Variants in RALGPS2 observed in about 807,000 individuals in gnomAD.
RALGPS2 encodes ras-specific guanine nucleotide-releasing factor RalGPS2.
In RALGPS2, 43 loss-of-function variants were observed where a neutral mutation model predicts 86.8. That is an observed-to-expected ratio of 0.50 (90% CI 0.39 to 0.64). RALGPS2 has a LOEUF of 0.64. RALGPS2 is among the 30% of genes least tolerant of loss of function. RALGPS2 has a pLI of 0.00. For missense variants in RALGPS2, 536 were observed against 694.6 expected, an observed-to-expected ratio of 0.77 and a Z score of 2.57; for synonymous variants, 243 against 231.3, an observed-to-expected ratio of 1.05 and a Z score of -0.46.
chr1:178,894,197 G>T (rs1310629423), intron 16 of RALGPS2, 173 bp downstream of exon 16: 1 of 473,264 alleles, frequency 2.1e-6, no homozygotes, highest in Non-Finnish European at 3.7e-6. Context: ...GATCCCCCGG[G>T]GATGACTGAA....
chr1:178,819,747 C>G (rs1349017491), intron 6 of RALGPS2, among the ~76,000 whole-genome samples: 2 of 152,178 alleles, frequency 1.3e-5, no homozygotes, highest in African/African-American at 4.8e-5. Flanking sequence ...GTCAAGGTGT[C>G]TAATTTACCA....
intron 1 of RALGPS2, among the ~76,000 whole-genome samples, chr1:178,769,638 C>CT (rs1328034448): frequency 6.6e-6 from 1 of 152,150 alleles, no homozygotes; most frequent in African/African-American, 2.4e-5. Context: ...GGAGAGCTTG[C>CT]TGGGGTACCC....
chr1:178,858,422 T>C (rs1472826807), intron 8 of RALGPS2, among the ~76,000 whole-genome samples: 1 of 152,196 alleles, frequency 6.6e-6, no homozygotes, highest in Non-Finnish European at 1.5e-5. Context: ...CCAGATTTAA[T>C]TCACAGGTTT....
chr1:178,748,110 A>G (rs936040941), intron 1 of RALGPS2, among the ~76,000 whole-genome samples: 4 of 152,166 alleles, frequency 2.6e-5, no homozygotes, highest in African/African-American at 7.2e-5. Context: ...ACTTGAGGTC[A>G]GGAGTTTGAG....
At chr1:178,894,154 C>G in intron 16 of RALGPS2, 130 bp downstream of exon 16, 1 of 577,568 alleles carries the variant, frequency 1.7e-6, no homozygotes. Flanking sequence ...TAAATAAGGT[C>G]CTCCCCTCTT....
At chr1:178,908,305 A>G (rs1660471082) in intron 19 of RALGPS2, among the ~76,000 whole-genome samples, 1 of 152,200 alleles carries the variant, frequency 6.6e-6, no homozygotes, top group Non-Finnish European at 1.5e-5. Flanking sequence ...CATAGCATAT[A>G]TGTACCACAT....
intron 8 of RALGPS2, chr1:178,851,044 C>A: frequency 8.0e-7 from 1 of 1,251,626 alleles, no homozygotes; most frequent in Non-Finnish European, 1.1e-6. Context: ...ATAAATTGTG[C>A]CAAGTAATAT....
intron 4 of RALGPS2, among the ~76,000 whole-genome samples, chr1:178,801,880 TC>T (rs1337299814): frequency 9.9e-5 from 15 of 152,222 alleles, no homozygotes; most frequent in African/African-American, 3.6e-4. Context: ...GGGTTAAAAT[TC>T]CGTTTGAAGC....
In RALGPS2 at chr1:178,778,617, C is replaced by T. The variant is rs527414767; in HGVS notation, c.57+1796C>T. The stretch of plus-strand genomic sequence containing the variant: ...CACGTATGTTTATTGCGGCATTATT[C>T]ACAATAGCAAAGACTTGGAACCAAC... On this transcript the variant is annotated intron_variant, in intron 2 of 19. Transcript: ENST00000367635. Among the ~76,000 whole-genome samples, 120 of 117,538 alleles carry T rather than the reference C, an allele frequency of 1.0e-3. 1 individual carries two copies. Among genetic ancestry groups the T allele is most frequent in the East Asian group, 5.9e-3 (25 of 4,270 alleles). The allele number at this position is 117,538 out of a possible 152,430, so 77.1% of individuals were successfully genotyped here. A position where few individuals can be genotyped will look rare whatever the true frequency, so the allele number is the denominator to read the frequency against.
At chr1:178,856,197 A>AGG (rs1657535108) in intron 8 of RALGPS2, among the ~76,000 whole-genome samples, 4 of 41,496 alleles carry the variant, frequency 9.6e-5, no homozygotes, top group Non-Finnish European at 2.1e-4. Flanking sequence ...TTCCAGAGAG[A>AGG]GAGAGATATA....
intron 8 of RALGPS2, among the ~76,000 whole-genome samples, chr1:178,844,238 A>G (rs1157600149): frequency 6.6e-6 from 1 of 152,164 alleles, no homozygotes; most frequent in South Asian, 2.1e-4. Flanking sequence ...GAATATATCC[A>G]TGAAATATCT....
chr1:178,833,210 A>G (rs1267257692), intron 7 of RALGPS2, among the ~76,000 whole-genome samples: 1 of 152,102 alleles, frequency 6.6e-6, no homozygotes, highest in Non-Finnish European at 1.5e-5. Flanking sequence ...AGTTAATTTT[A>G]TGAACATACA....
chr1:178,749,648 T>A (rs2102040816), intron 1 of RALGPS2, among the ~76,000 whole-genome samples: 1 of 152,264 alleles, frequency 6.6e-6, no homozygotes, highest in South Asian at 2.1e-4. Context: ...TTTTGTAAAT[T>A]CAATTTGATG....
intron 1 of RALGPS2, among the ~76,000 whole-genome samples, chr1:178,749,852 T>C (rs1012621483): frequency 6.6e-6 from 1 of 152,072 alleles, no homozygotes; most frequent in African/African-American, 2.4e-5. Flanking sequence ...TCCAGCACTT[T>C]GGAAGGCTGA....
intron 8 of RALGPS2, chr1:178,865,570 C>G (rs1048053248): frequency 1.9e-6 from 3 of 1,613,950 alleles, no homozygotes; most frequent in East Asian, 2.2e-5. Context: ...CATCTTGCCC[C>G]TTGGTGTTGA....
In RALGPS2 at chr1:178,742,871, A is replaced by G. The variant is rs946879155; in HGVS notation, c.-84+17452A>G. On this transcript the variant is annotated intron_variant, in intron 1 of 19. Coordinates refer to ENST00000367635, the MANE Select transcript of RALGPS2 (RefSeq NM_152663.5). ...AATTTATGGTTCAAGGAAGAGATCAAAAGGGAAATTATAAAGTCTTTTGAA... is the reference window on the plus strand; with the variant it reads ...AATTTATGGTTCAAGGAAGAGATCAGAAGGGAAATTATAAAGTCTTTTGAA... Among the ~76,000 whole-genome samples the G allele has an allele frequency of 3.1e-4, 47 of 152,240 alleles. 1 individual carries two copies. The highest frequency in any genetic ancestry group is 1.3e-4 in the Admixed American group (2 of 15,284).
In RALGPS2 at chr1:178,904,343, C is replaced by G. The variant is rs546274873; in HGVS notation, c.1630+2132C>G. On this transcript the variant is annotated intron_variant, in intron 18 of 19. Coordinates refer to ENST00000367635, the MANE Select transcript of RALGPS2 (RefSeq NM_152663.5). ...GACTGTTGCTTTTGCTGTGCAAACG[C>G]TCTTTAGTTTAATTAGGTCCCAACT... Among the ~76,000 whole-genome samples the G allele has an allele frequency of 6.7e-4, 102 of 152,272 alleles. 1 individual carries two copies. Among genetic ancestry groups the G allele is most frequent in the Middle Eastern group, 6.8e-3 (2 of 294 alleles).
intron 8 of RALGPS2, chr1:178,852,765 G>A (rs751357250): frequency 3.7e-6 from 6 of 1,613,692 alleles, no homozygotes; most frequent in Non-Finnish European, 5.1e-6. Context: ...CATTTCCCTG[G>A]TAAGTTCCCA....
intron 7 of RALGPS2, among the ~76,000 whole-genome samples, chr1:178,831,353 T>C (rs962679219): frequency 1.3e-5 from 2 of 152,206 alleles, no homozygotes; most frequent in Non-Finnish European, 2.9e-5. Flanking sequence ...TCACACATAT[T>C]GTGTGAAGAT....
Sources: gnomAD v4.1 joint callset for allele counts (sites outside exome capture counted in the v4.1 genomes callset) on GRCh38, gnomAD v4.1.1 for gene constraint, MANE v1.5 for transcripts, NCBI Gene and HGNC (gene_info 2026-07-23, HGNC 2026-07-21) for gene names.